The following RBM6 variants were observed in gnomAD, a reference collection of about 807,000 sequenced individuals.
RBM6 encodes the protein RNA-binding protein 6.
A neutral mutation model predicts 140.4 loss-of-function variants in RBM6; 23 were observed. The ratio of observed to expected loss-of-function variants is 0.16; its 90% confidence interval spans 0.12 to 0.23. The LOEUF (loss-of-function observed/expected upper bound fraction) is 0.23, where lower values mean the gene tolerates loss of function less well. RBM6 is among the 10% of genes least tolerant of loss of function. The pLI is 1.00. For synonymous variants in RBM6, 439 were observed against 475.6 expected (o/e 0.92, Z 1.00); for missense variants, 1,139 against 1,386.7 (o/e 0.82, Z 2.84).
At chr3:50,025,025 TC>T in intron 6 of RBM6, among the ~76,000 whole-genome samples, 1 of 150,424 alleles carries the variant, frequency 6.6e-6, no homozygotes, top group Middle Eastern at 3.5e-3. Context: ...AAAACAGTTT[TC>T]CAGTCTAAGA....
intron 1 of RBM6, among the ~76,000 whole-genome samples, chr3:49,962,150 TAAAAA>T (rs66697775): frequency 4.4e-5 from 5 of 112,474 alleles, no homozygotes; most frequent in Admixed American, 2.0e-4. Context: ...CTCCATCTCT[TAAAAA>T]AAAAAAAAAA....
At chr3:49,982,375 T>G (rs1344602637) in intron 5 of RBM6, among the ~76,000 whole-genome samples, 1 of 149,300 alleles carries the variant, frequency 6.7e-6, no homozygotes, top group African/African-American at 2.5e-5. Flanking sequence ...CCTGAGTAGC[T>G]GGGACTACAG....
At chr3:50,054,968 C>T (rs560995070) in intron 8 of RBM6, among the ~76,000 whole-genome samples, 1 of 152,270 alleles carries the variant, frequency 6.6e-6, no homozygotes, top group South Asian at 2.1e-4. Context: ...GGACTATAGG[C>T]GCCCACCACC....
chr3:49,988,364 G>A (rs2085662203), intron 5 of RBM6, among the ~76,000 whole-genome samples: 1 of 151,738 alleles, frequency 6.6e-6, no homozygotes, highest in Non-Finnish European at 1.5e-5. Context: ...GGCAGGTCTT[G>A]AACTCCTAAG....
At position 49,948,661 on chromosome 3, in the gene RBM6, A is replaced by T. The variant is rs556247578; in HGVS notation, c.-67+8436A>T. 4.0e-5 allele frequency among the ~76,000 whole-genome samples: 6 copies of T among 150,550 alleles called. 1 individual carries two copies. In the South Asian group the frequency reaches 1.3e-3, roughly 32 times the overall value. On this transcript the variant is annotated intron_variant, in intron 1 of 20. Coordinates refer to ENST00000266022, the MANE Select transcript of RBM6 (RefSeq NM_005777.3). ...CAGGAGGTGGAGGTTGCAGTGAGCC[A>T]AGATTGCGCCACTGCACTCTAGATT...
At chr3:49,957,420 T>A (rs1049195483) in intron 1 of RBM6, among the ~76,000 whole-genome samples, 3 of 151,990 alleles carry the variant, frequency 2.0e-5, no homozygotes, top group African/African-American at 4.8e-5. Flanking sequence ...CTTGTCGTGC[T>A]AGGACAACAA....
chr3:50,046,595 A>G (rs1176674449), intron 6 of RBM6, among the ~76,000 whole-genome samples: 1 of 151,874 alleles, frequency 6.6e-6, no homozygotes, highest in East Asian at 1.9e-4. Context: ...AAAAAAAAAA[A>G]AAAAAAGGAG....
intron 1 of RBM6, among the ~76,000 whole-genome samples, chr3:49,960,706 A>G (rs570814341): frequency 6.2e-4 from 94 of 152,282 alleles, no homozygotes; most frequent in African/African-American, 1.9e-3. Flanking sequence ...CTTCAAAGCA[A>G]TGACTGTGGT....
At chr3:49,944,427 T>G (rs1220463126) in intron 1 of RBM6, among the ~76,000 whole-genome samples, 3 of 152,124 alleles carry the variant, frequency 2.0e-5, no homozygotes, top group Admixed American at 2.0e-4. Context: ...TTCCACCTTT[T>G]TGCTCTTGTG....
At chr3:50,047,375 G>A in intron 6 of RBM6, 1 of 976,396 alleles carries the variant, frequency 1.0e-6, no homozygotes. Flanking sequence ...AGTAGGCAGA[G>A]AATTTTTTTC....
At position 49,982,262 on chromosome 3, in the gene RBM6, CTTTTTT is replaced by C. The variant is rs751604271; in HGVS notation, c.1483+6893_1483+6898del. Reference sequence around the variant, plus strand: ...GTACCTTCTGCATTTCTTTTCTTTTCTTTTTTTTTTTTTTTTTTTTTTTTTTTTGGT... The same window carrying C: ...GTACCTTCTGCATTTCTTTTCTTTTCTTTTTTTTTTTTTTTTTTTTTTGGT... On this transcript the variant is annotated intron_variant, in intron 5 of 20. Coordinates refer to ENST00000266022, the MANE Select transcript of RBM6 (RefSeq NM_005777.3). Among the ~76,000 whole-genome samples, 360 of 68,400 alleles carry C rather than the reference CTTTTTT, an allele frequency of 5.3e-3. 2 individuals carry two copies. The highest frequency in any genetic ancestry group is 0.027 in the East Asian group (62 of 2,268). The allele number at this position is 68,400 out of a possible 152,430, so 44.9% of individuals were successfully genotyped here.
At chr3:50,074,061 T>C (rs1323445799) in intron 19 of RBM6, among the ~76,000 whole-genome samples, 1 of 152,166 alleles carries the variant, frequency 6.6e-6, no homozygotes, top group Admixed American at 6.5e-5. Context: ...ACTCCTGACC[T>C]CAGGTGATCC....
chr3:50,054,519 T>C, intron 8 of RBM6, 124 bp downstream of exon 8: 1 of 929,712 alleles, frequency 1.1e-6, no homozygotes, highest in Non-Finnish European at 1.7e-6. Flanking sequence ...TTTTTTTTTT[T>C]TTTTGAGATG....
chr3:49,963,754 C>T (rs556238817), intron 2 of RBM6, among the ~76,000 whole-genome samples: 9 of 152,124 alleles, frequency 5.9e-5, no homozygotes, highest in African/African-American at 1.7e-4. Context: ...AAACATTTTT[C>T]GTATTGTGTT....
chr3:50,029,763 G>C (rs547880731), intron 6 of RBM6, among the ~76,000 whole-genome samples: 3 of 151,928 alleles, frequency 2.0e-5, no homozygotes, highest in Non-Finnish European at 4.4e-5. Context: ...AATAAATAAA[G>C]GAGTAATTCC....
intron 6 of RBM6, among the ~76,000 whole-genome samples, chr3:50,017,497 G>A (rs1050779104): frequency 2.0e-5 from 3 of 150,990 alleles, no homozygotes; most frequent in African/African-American, 7.3e-5. Flanking sequence ...GGTGGAGCGT[G>A]CAGTGAGCCA....
chr3:50,059,848 T>C, intron 11 of RBM6, 102 bp downstream of exon 11: 1 of 839,144 alleles, frequency 1.2e-6, no homozygotes, highest in East Asian at 2.6e-5. Context: ...GATGTTTTCC[T>C]AACATGGACT....
At chr3:50,069,916 TTCTCAGAAGGGGAAAAG>T (rs2108946956) in intron 18 of RBM6, among the ~76,000 whole-genome samples, 1 of 152,258 alleles carries the variant, frequency 6.6e-6, no homozygotes, top group African/African-American at 2.4e-5. Flanking sequence ...TTTCCCCTGC[TTCTCAGAAGGGGAAAAG>T]ACAGCGGAAC....
intron 19 of RBM6, among the ~76,000 whole-genome samples, chr3:50,071,881 C>T (rs995472152): frequency 2.0e-5 from 3 of 150,022 alleles, no homozygotes; most frequent in Admixed American, 6.7e-5. Context: ...GTCAGGAGTT[C>T]GAGACCAGCC....
Sources: gnomAD v4.1 joint callset for allele counts (sites outside exome capture counted in the v4.1 genomes callset) on GRCh38, gnomAD v4.1.1 for gene constraint, MANE v1.5 for transcripts, NCBI Gene and HGNC (gene_info 2026-07-23, HGNC 2026-07-21) for gene names.